Variants in PDCD10 observed in about 807,000 individuals in gnomAD.
PDCD10 encodes the protein programmed cell death protein 10.
PDCD10 carries 4 observed loss-of-function variants against 29.2 expected under a neutral mutation model. That is an observed-to-expected ratio of 0.14 (90% CI 0.07 to 0.31). The LOEUF (loss-of-function observed/expected upper bound fraction) is 0.31. PDCD10 is among the 10% of genes least tolerant of loss of function. The pLI, the probability that PDCD10 is intolerant of heterozygous loss-of-function variation, is 1.00. For synonymous variants in PDCD10, 70 were observed against 82.2 expected, an observed-to-expected ratio of 0.85 and a Z score of 0.80; for missense variants, 183 against 257.9, an observed-to-expected ratio of 0.71 and a Z score of 1.99.
intron 3 of PDCD10, 129 bp from the exon 4 acceptor site, chr3:167,705,024 C>T: frequency 3.4e-6 from 2 of 589,852 alleles, no homozygotes; most frequent in South Asian, 2.1e-5. Context: ...AACAATTGTA[C>T]ATCACCGTAA....
chr3:167,684,320 T>C lies in PDCD10; in HGVS notation c.627A>G (p.Lys209=). The C allele has an allele frequency of 6.3e-7, 1 of 1,588,888 alleles. No individual in the cohort carries two copies. Among genetic ancestry groups the C allele is most frequent in the African/African-American group, 1.3e-5 (1 of 74,532 alleles). Residue 209 remains lysine, a synonymous_variant, in exon 9 of 9, where the codon AAA becomes AAG. Coordinates refer to ENST00000392750, the MANE Select transcript of PDCD10 (RefSeq NM_007217.4). ...HQTNLILQTF[K]TVA ...ACATATACAACTTTCAGGCCACAGT[T>C]TTGAAGGTCTGAAGTATTAAGTTGG... is the stretch of plus-strand genomic sequence containing the variant.
intron 3 of PDCD10, among the ~76,000 whole-genome samples, chr3:167,714,979 A>G (rs1722868710): frequency 6.6e-6 from 1 of 151,876 alleles, no homozygotes; most frequent in Non-Finnish European, 1.5e-5. Context: ...GAATAGCCAA[A>G]AAGAATGAAA....
rs12639161 is a variant in PDCD10 at position 167,684,401 on chromosome 3, G to T, written c.558-12C>A. On this transcript the variant is annotated splice_polypyrimidine_tract_variant and intron_variant, in intron 8 of 8. Coordinates refer to ENST00000392750, the MANE Select transcript of PDCD10 (RefSeq NM_007217.4). Reference sequence around the variant, plus strand: ...ACACATTTATTGCCCTGTTTAAAAAGAAAAGAATAAGCATTAATTTCATCC... The same window carrying T: ...ACACATTTATTGCCCTGTTTAAAAATAAAAGAATAAGCATTAATTTCATCC... 2.0e-6 allele frequency: 3 copies of T among 1,522,118 alleles called. No homozygotes were observed. Among genetic ancestry groups the T allele is most frequent in the South Asian group, 2.2e-5 (2 of 89,012 alleles). 94.3% of individuals were successfully genotyped at this position (1,522,118 alleles called of 1,614,324 possible).
intron 6 of PDCD10, among the ~76,000 whole-genome samples, chr3:167,693,860 G>A (rs1229236969): frequency 6.6e-6 from 1 of 152,142 alleles, no homozygotes; most frequent in East Asian, 1.9e-4. Flanking sequence ...GGAGGCTGAG[G>A]TGGAAGGACT....
At position 167,692,924 on chromosome 3, in the gene PDCD10, AAAAC is replaced by A. The variant is rs780300277; in HGVS notation, c.395+2668_395+2671del. ...CAGAGCAAGACTCCGTCTCAAAAACAAAACAAACAAACAAAACAAACAAAAAAAC... is the reference window on the plus strand; with the variant it reads ...CAGAGCAAGACTCCGTCTCAAAAACAAAACAAACAAAACAAACAAAAAAAC... On this transcript the variant is annotated intron_variant, in intron 6 of 8. Coordinates refer to ENST00000392750, the MANE Select transcript of PDCD10 (RefSeq NM_007217.4). Among the ~76,000 whole-genome samples, 91 of 152,340 alleles carry A rather than the reference AAAAC, an allele frequency of 6.0e-4. 1 individual carries two copies. The highest frequency in any genetic ancestry group is 1.7e-3 in the South Asian group (8 of 4,830).
intron 2 of PDCD10, chr3:167,730,628 G>C (rs749514170): frequency 1.3e-5 from 2 of 152,120 alleles, no homozygotes; most frequent in Non-Finnish European, 2.9e-5. Flanking sequence ...TCTTGTGGAA[G>C]AGTAAACTGG....
At chr3:167,696,757 A>T (rs1285253230) in intron 5 of PDCD10, among the ~76,000 whole-genome samples, 2 of 152,182 alleles carry the variant, frequency 1.3e-5, no homozygotes, top group Non-Finnish European at 2.9e-5. Context: ...GGGGGGAAAA[A>T]TTGAAGTATG....
intron 4 of PDCD10, among the ~76,000 whole-genome samples, chr3:167,698,480 G>A (rs899534756): frequency 3.3e-5 from 5 of 151,942 alleles, no homozygotes; most frequent in African/African-American, 1.2e-4. Context: ...TGGCTGCAGC[G>A]AGCTATGATC....
intron 3 of PDCD10, among the ~76,000 whole-genome samples, chr3:167,712,576 C>G (rs1380110802): frequency 2.0e-5 from 3 of 151,554 alleles, no homozygotes; most frequent in Non-Finnish European, 4.4e-5. Flanking sequence ...ACAAAACAAC[C>G]AGAAAACAAG....
chr3:167,717,983 T>G (rs1723183460), intron 3 of PDCD10, among the ~76,000 whole-genome samples: 1 of 152,098 alleles, frequency 6.6e-6, no homozygotes, highest in African/African-American at 2.4e-5. Flanking sequence ...AAGTAAGGGC[T>G]CAAAATACCA....
intron 2 of PDCD10, among the ~76,000 whole-genome samples, chr3:167,724,391 G>C (rs1282400400): frequency 6.6e-6 from 1 of 152,146 alleles, no homozygotes; most frequent in Non-Finnish European, 1.5e-5. Flanking sequence ...TCTCTAAAAA[G>C]GGAAAGATTG....
intron 7 of PDCD10, 51 bp downstream of exon 7, chr3:167,687,564 G>T: frequency 1.0e-6 from 1 of 1,004,946 alleles, no homozygotes; most frequent in Non-Finnish European, 1.6e-6. Flanking sequence ...AAACAACTAG[G>T]CATAAACCAA....
rs1350355609 is a variant in PDCD10, at chr3:167,695,601, T to C, written c.390A>G (p.Thr130=). ...CAAAACAAATAATTGCTTACTTGAT[T>C]GTCTGCAGAAACCTCACTCTGTCAT... is the stretch of plus-strand genomic sequence containing the variant. ...EINDRVRFLQ[T]IKDIASAIKE... is the part of the protein sequence containing the mutation. Residue 130 remains threonine (T), a synonymous_variant, in exon 6 of 9, where the codon ACA becomes ACG. Transcript: ENST00000392750. The C allele has an allele frequency of 1.9e-6, 3 of 1,613,322 alleles. No homozygotes were observed. Among genetic ancestry groups the C allele is most frequent in the Non-Finnish European group, 8.5e-7 (1 of 1,179,242 alleles).
chr3:167,725,385 G>T (rs1405705189), intron 2 of PDCD10: 1 of 151,600 alleles, frequency 6.6e-6, no homozygotes, highest in East Asian at 1.9e-4. Context: ...AACATTTGCT[G>T]ACACAGTTTA....
chr3:167,714,452 T>C (rs1170553290), intron 3 of PDCD10, among the ~76,000 whole-genome samples: 2 of 151,874 alleles, frequency 1.3e-5, no homozygotes, highest in African/African-American at 4.8e-5. Flanking sequence ...GAGCAAACTA[T>C]ACAAGAGAAA....
chr3:167,730,605 CTT>C (rs1367061653), intron 2 of PDCD10: 1 of 152,058 alleles, frequency 6.6e-6, no homozygotes, highest in Non-Finnish European at 1.5e-5. Context: ...TCAGCAATCT[CTT>C]TTTGACAAGA....
chr3:167,695,446 A>G (rs1194274764), intron 6 of PDCD10, 150 bp downstream of exon 6: 1 of 711,336 alleles, frequency 1.4e-6, no homozygotes, highest in Admixed American at 2.3e-5. Context: ...ACCAAACGCC[A>G]TAAAGTTAAT....
chr3:167,731,509 A>G (rs1724813807), intron 2 of PDCD10, among the ~76,000 whole-genome samples: 1 of 152,238 alleles, frequency 6.6e-6, no homozygotes, highest in Non-Finnish European at 1.5e-5. Context: ...AAGTTCTTAT[A>G]TACTTCAATC....
At chr3:167,702,740 G>A (rs1447569438) in intron 4 of PDCD10, among the ~76,000 whole-genome samples, 3 of 152,102 alleles carry the variant, frequency 2.0e-5, no homozygotes, top group Non-Finnish European at 4.4e-5. Context: ...TTTATGACTG[G>A]TGAGGTTTCT....
Sources: allele counts gnomAD v4.1 joint callset (sites outside exome capture counted in the v4.1 genomes callset), GRCh38; gene constraint gnomAD v4.1.1; transcripts MANE v1.5; gene names NCBI Gene and HGNC (gene_info 2026-07-23, HGNC 2026-07-21).